The following CADM2 variants were observed in gnomAD, a reference collection of about 807,000 sequenced individuals.
CADM2 encodes the protein cell adhesion molecule 2.
Under a neutral mutation model 49.8 loss-of-function variants are expected in CADM2, and 12 were observed. That is an observed-to-expected ratio of 0.24 (90% CI 0.15 to 0.39). The LOEUF is 0.39. Among genes scored for constraint, CADM2 ranks in the 10% least tolerant of loss-of-function variants. The probability of loss-of-function intolerance (pLI) is 1.00; values close to 1 mark genes in which losing one functional copy is unlikely to be tolerated. For missense variants in CADM2, 378 were observed against 492.3 expected (o/e 0.77, Z 2.20); for synonymous variants, 214 against 175.4 (o/e 1.22, Z -1.74).
chr3:85,920,109 T>G (rs565320164), intron 6 of CADM2, among the ~76,000 whole-genome samples: 1 of 152,028 alleles, frequency 6.6e-6, no homozygotes, highest in South Asian at 2.1e-4. Context: ...CTCTTTGCTT[T>G]CACTACCTTT....
intron 1 of CADM2, among the ~76,000 whole-genome samples, chr3:85,126,979 A>G (rs919744444): frequency 6.6e-6 from 1 of 152,162 alleles, no homozygotes; most frequent in Admixed American, 6.5e-5. Context: ...TTTGGATAGT[A>G]AGTATCTGTT....
Position 86,070,256 on chromosome 3 carries a change from A to T in CADM2, c.*3473A>T. 6.6e-6 allele frequency: 1 copy of T among 151,984 alleles called. No homozygotes were observed. The highest frequency in any genetic ancestry group is 1.9e-4 in the East Asian group (1 of 5,194). 9.4% of individuals were successfully genotyped at this position (151,984 alleles called of 1,614,324 possible). A position where few individuals can be genotyped will look rare whatever the true frequency, so the allele number is the denominator to read the frequency against. On this transcript the variant is annotated 3_prime_UTR_variant, in exon 10 of 10. Transcript: ENST00000383699. The stretch of plus-strand genomic sequence containing the variant: ...TGTAAAAATATAAATATCTCAATCA[A>T]AAGTACAGGCTCATTTGTAATTATG...
chr3:85,430,212 T>A (rs2036596970), intron 1 of CADM2, among the ~76,000 whole-genome samples: 1 of 152,154 alleles, frequency 6.6e-6, no homozygotes, highest in South Asian at 2.1e-4. Context: ...TCAGAAAGAC[T>A]AGGGTACAGA....
chr3:85,112,698 T>G (rs1407986136), intron 1 of CADM2, among the ~76,000 whole-genome samples: 1 of 151,270 alleles, frequency 6.6e-6, no homozygotes, highest in Admixed American at 6.6e-5. Flanking sequence ...GGGTGAATTC[T>G]TCTATAAAAT....
chr3:84,982,803 T>C (rs570811890), intron 1 of CADM2, among the ~76,000 whole-genome samples: 112 of 149,230 alleles, frequency 7.5e-4, no homozygotes, highest in African/African-American at 2.6e-3. Context: ...TGGAGTGCAG[T>C]GATGTGATCT....
intron 1 of CADM2, among the ~76,000 whole-genome samples, chr3:85,119,245 C>G (rs971818864): frequency 1.3e-5 from 2 of 152,060 alleles, no homozygotes; most frequent in Non-Finnish European, 2.9e-5. Flanking sequence ...AACCCTGTCT[C>G]TACAAAAAAA....
At chr3:85,291,250 A>G (rs2043786869) in intron 1 of CADM2, among the ~76,000 whole-genome samples, 1 of 152,028 alleles carries the variant, frequency 6.6e-6, no homozygotes, top group Non-Finnish European at 1.5e-5. Flanking sequence ...AAAGAATAAA[A>G]AGAAATGAGC....
At chr3:85,826,664 T>G (rs1176696329) in intron 3 of CADM2, among the ~76,000 whole-genome samples, 1 of 151,934 alleles carries the variant, frequency 6.6e-6, no homozygotes, top group East Asian at 1.9e-4. Flanking sequence ...TTCTTTGAAT[T>G]TAACCATGGG....
intron 2 of CADM2, among the ~76,000 whole-genome samples, chr3:85,795,480 C>A (rs995289701): frequency 2.6e-5 from 4 of 152,024 alleles, no homozygotes; most frequent in Non-Finnish European, 5.9e-5. Flanking sequence ...TTTTAGGCTG[C>A]GGGTCCTAGA....
At chr3:85,511,783 C>T in intron 1 of CADM2, 1 of 569,262 alleles carries the variant, frequency 1.8e-6, no homozygotes, top group Non-Finnish European at 2.2e-6. Flanking sequence ...CACCATCTCT[C>T]ATTTTGTCCA....
At chr3:85,279,451 C>G (rs899474761) in intron 1 of CADM2, among the ~76,000 whole-genome samples, 13 of 151,256 alleles carry the variant, frequency 8.6e-5, no homozygotes, top group Non-Finnish European at 1.5e-4. Context: ...CTATATTCAG[C>G]TTTATATTAT....
intron 8 of CADM2, among the ~76,000 whole-genome samples, chr3:86,025,424 T>G (rs1733776935): frequency 6.7e-6 from 1 of 148,782 alleles, no homozygotes; most frequent in African/African-American, 2.6e-5. Context: ...AGTAAATATC[T>G]TCTAAGGACT....
At chr3:85,316,509 A>G (rs1422076834) in intron 1 of CADM2, among the ~76,000 whole-genome samples, 1 of 152,140 alleles carries the variant, frequency 6.6e-6, no homozygotes, top group East Asian at 1.9e-4. Context: ...CTGAATCTGC[A>G]TTTTGGGTGC....
chr3:86,035,239 C>T (rs1216097883), intron 8 of CADM2, among the ~76,000 whole-genome samples: 2 of 152,036 alleles, frequency 1.3e-5, no homozygotes, highest in East Asian at 3.9e-4. Context: ...GAACCTGAGA[C>T]TTTTCACATG....
chr3:85,696,928 T>A (rs1297559590), intron 1 of CADM2, among the ~76,000 whole-genome samples: 1 of 151,772 alleles, frequency 6.6e-6, no homozygotes, highest in Non-Finnish European at 1.5e-5. Context: ...TACCTTATAG[T>A]GTTTCATCTT....
intron 1 of CADM2, among the ~76,000 whole-genome samples, chr3:85,639,799 G>A (rs1433831517): frequency 6.6e-6 from 1 of 151,944 alleles, no homozygotes; most frequent in Non-Finnish European, 1.5e-5. Context: ...TCACTGGTAT[G>A]GAATGTAAAA....
intron 8 of CADM2, among the ~76,000 whole-genome samples, chr3:86,020,687 G>T (rs9754907): frequency 0.032 from 4,882 of 152,014 alleles, 150 homozygotes; most frequent in African/African-American, 0.077. Context: ...TTCAATATAC[G>T]CAAATCAATA....
chr3:85,777,312 G>A (rs181166410), intron 2 of CADM2, among the ~76,000 whole-genome samples: 4 of 151,450 alleles, frequency 2.6e-5, no homozygotes, highest in East Asian at 3.9e-4. Flanking sequence ...CTGGAGTGTC[G>A]TGGCGTGATC....
intron 8 of CADM2, among the ~76,000 whole-genome samples, chr3:86,053,456 A>G (rs982971275): frequency 3.9e-5 from 6 of 152,116 alleles, no homozygotes; most frequent in Admixed American, 2.6e-4. Flanking sequence ...GTCTTTGACT[A>G]TTTTCTTCCA....
Sources: gnomAD v4.1 joint callset for allele counts (sites outside exome capture counted in the v4.1 genomes callset) on GRCh38, gnomAD v4.1.1 for gene constraint, MANE v1.5 for transcripts, NCBI Gene and HGNC (gene_info 2026-07-23, HGNC 2026-07-21) for gene names.